EIF2AK2: variants seen among roughly 807,000 people sequenced by gnomAD.
EIF2AK2 encodes eukaryotic translation initiation factor 2 alpha kinase 2.
In EIF2AK2, 40 loss-of-function variants were observed where a neutral mutation model predicts 70.5. That is an observed-to-expected ratio of 0.57 (90% CI 0.44 to 0.74). EIF2AK2 has a LOEUF of 0.74. Among genes scored for constraint, EIF2AK2 ranks in the 30% least tolerant of loss-of-function variants. The pLI is 0.00. For synonymous variants in EIF2AK2, 198 were observed against 220.9 expected (o/e 0.90, Z 0.92); for missense variants, 555 against 644.3 (o/e 0.86, Z 1.50).
chr2:37,127,051 T>C (rs920244915), intron 10 of EIF2AK2, among the ~76,000 whole-genome samples: 2 of 144,684 alleles, frequency 1.4e-5, no homozygotes, highest in Admixed American at 6.9e-5. Flanking sequence ...GGAACTGCTA[T>C]ATTGTGCTCC....
chr2:37,140,207 A>G (rs1399180294), intron 5 of EIF2AK2, among the ~76,000 whole-genome samples: 1 of 151,432 alleles, frequency 6.6e-6, no homozygotes, highest in East Asian at 2.0e-4. Context: ...AGAGCAAAGC[A>G]TGGATTCTGC....
chr2:37,106,856 C>T lies in EIF2AK2; in HGVS notation c.*417G>A, dbSNP rs1043678250. 1 of 154,796 alleles carries T rather than the reference C, an allele frequency of 6.5e-6. No individual in the cohort carries two copies. The highest frequency in any genetic ancestry group is 2.4e-5 in the African/African-American group (1 of 41,322). The allele number at this position is 154,796 out of a possible 1,614,324, so 9.6% of individuals were successfully genotyped here. ...GTCAGGAGTTTGAGACCAGCCTGGC[C>T]AACATGGTGAAACCCTGTCTTTATT... On this transcript the variant is annotated 3_prime_UTR_variant, in exon 17 of 17. Transcript: ENST00000233057.
chr2:37,128,324 A>G (rs929322415), intron 10 of EIF2AK2, among the ~76,000 whole-genome samples: 3 of 152,160 alleles, frequency 2.0e-5, no homozygotes, highest in Non-Finnish European at 2.9e-5. Flanking sequence ...TCTGATATGG[A>G]GCTAGAAAGT....
chr2:37,110,267 G>T (rs4648236), intron 14 of EIF2AK2, among the ~76,000 whole-genome samples: 138,127 of 148,862 alleles, frequency 0.93, 64,859 homozygotes, highest in South Asian at 1. Context: ...CTGTATTTTT[G>T]TTTTTTTAGT....
intron 10 of EIF2AK2, among the ~76,000 whole-genome samples, chr2:37,132,407 T>C (rs1038212586): frequency 2.6e-5 from 4 of 152,052 alleles, no homozygotes; most frequent in African/African-American, 9.7e-5. Context: ...CTGATCAACA[T>C]GGTGAAACCC....
chr2:37,109,381 A>G, intron 14 of EIF2AK2, 86 bp from the exon 15 acceptor site: 2 of 1,115,092 alleles, frequency 1.8e-6, no homozygotes, highest in East Asian at 2.5e-5. Context: ...TATTTGACCA[A>G]AACATCTTAC....
chr2:37,154,897 C>T (rs1031211318), intron 1 of EIF2AK2, among the ~76,000 whole-genome samples: 4 of 151,818 alleles, frequency 2.6e-5, no homozygotes, highest in Non-Finnish European at 5.9e-5. Flanking sequence ...TACTCCTTTT[C>T]TGTCTCCTTT....
At position 37,148,984 on chromosome 2, in the gene EIF2AK2, T is replaced by C; in HGVS notation, c.-144A>G. 1 of 853,942 alleles carries C rather than the reference T, an allele frequency of 1.2e-6. No homozygotes were observed. Among genetic ancestry groups the C allele is most frequent in the Non-Finnish European group, 2.1e-6 (1 of 485,138 alleles). The allele number at this position is 853,942 out of a possible 1,614,324, so 52.9% of individuals were successfully genotyped here. The stretch of plus-strand genomic sequence containing the variant: ...TGCTAAAGTTTTGAGGTCATTACAA[T>C]TTACAAATCCAGGAAGGCAAACTGA... On this transcript the variant is annotated 5_prime_UTR_variant, in exon 2 of 17. Coordinates refer to ENST00000233057, the MANE Select transcript of EIF2AK2 (RefSeq NM_001135651.3).
chr2:37,107,606 C>A, intron 15 of EIF2AK2, 79 bp from the exon 16 acceptor site: 1 of 1,463,566 alleles, frequency 6.8e-7, no homozygotes. Context: ...TGAGGAATAC[C>A]TGAAATGTAG....
intron 7 of EIF2AK2, 36 bp downstream of exon 7, chr2:37,138,473 A>G (rs1339134447): frequency 1.9e-6 from 3 of 1,608,286 alleles, no homozygotes; most frequent in Non-Finnish European, 2.6e-6. Flanking sequence ...AGAAATATGA[A>G]TATGTTAAGT....
chr2:37,145,416 T>G (rs1422866155), intron 4 of EIF2AK2, among the ~76,000 whole-genome samples: 1 of 152,230 alleles, frequency 6.6e-6, no homozygotes. Flanking sequence ...GTGCCAGGAT[T>G]ACAGGCATGA....
At chr2:37,126,524 T>A in intron 10 of EIF2AK2, 113 bp from the exon 11 acceptor site, 2 of 1,439,354 alleles carry the variant, frequency 1.4e-6, no homozygotes, top group Admixed American at 2.5e-5. Flanking sequence ...AAAACAAATT[T>A]GATTCTCTCC....
At chr2:37,126,851 G>T (rs1674747650) in intron 10 of EIF2AK2, among the ~76,000 whole-genome samples, 1 of 151,658 alleles carries the variant, frequency 6.6e-6, no homozygotes, top group Admixed American at 6.6e-5. Context: ...CAGCTACTTG[G>T]AAGGCTGAGG....
chr2:37,107,596 T>TGA (rs1674006148), intron 15 of EIF2AK2, 69 bp from the exon 16 acceptor site: 2 of 1,499,304 alleles, frequency 1.3e-6, no homozygotes, highest in African/African-American at 2.8e-5. Context: ...AACTAAAGGC[T>TGA]GAGGAATACC....
intron 10 of EIF2AK2, among the ~76,000 whole-genome samples, chr2:37,133,670 C>T (rs970009156): frequency 2.0e-5 from 3 of 152,200 alleles, no homozygotes; most frequent in Admixed American, 1.3e-4. Context: ...GGATCCACTT[C>T]CCTTCATCTC....
intron 1 of EIF2AK2, among the ~76,000 whole-genome samples, chr2:37,156,703 G>A (rs1427633708): frequency 6.6e-6 from 1 of 152,190 alleles, no homozygotes; most frequent in East Asian, 1.9e-4. Flanking sequence ...TGGATTTGGG[G>A]AGGGCCCCAC....
Position 37,104,267 on chromosome 2 carries a change from T to C in EIF2AK2, c.*3006A>G, listed in dbSNP as rs1019624500. ...TAATATGCAGTCTATATTCAAATGTTCTCAATTGTCCCGAAGATATCTTTA... is the reference window on the plus strand; with the variant it reads ...TAATATGCAGTCTATATTCAAATGTCCTCAATTGTCCCGAAGATATCTTTA... On this transcript the variant is annotated 3_prime_UTR_variant, in exon 17 of 17. Transcript: ENST00000233057. 1 of 152,024 alleles carries C rather than the reference T, an allele frequency of 6.6e-6. No individual in the cohort carries two copies. Among genetic ancestry groups the C allele is most frequent in the African/African-American group, 2.4e-5 (1 of 41,396 alleles). The allele number at this position is 152,024 out of a possible 1,614,324, so 9.4% of individuals were successfully genotyped here. A position where few individuals can be genotyped will look rare whatever the true frequency, so the allele number is the denominator to read the frequency against.
Position 37,105,238 on chromosome 2 carries a change from C to G in EIF2AK2, c.*2035G>C, listed in dbSNP as rs774957235. The G allele has an allele frequency of 3.3e-5, 5 of 151,620 alleles. No individual in the cohort carries two copies. The highest frequency in any genetic ancestry group is 7.4e-5 in the Non-Finnish European group (5 of 67,928). The allele number at this position is 151,620 out of a possible 1,614,324, so 9.4% of individuals were successfully genotyped here. ...CTGCTATAGTTTGCATGTTTGTCCCCCAAAATCTCATGTTGAAATTTGATC... is the reference window on the plus strand; with the variant it reads ...CTGCTATAGTTTGCATGTTTGTCCCGCAAAATCTCATGTTGAAATTTGATC... On this transcript the variant is annotated 3_prime_UTR_variant, in exon 17 of 17. Coordinates refer to ENST00000233057, the MANE Select transcript of EIF2AK2 (RefSeq NM_001135651.3).
rs1162995597 is a variant in EIF2AK2, at chr2:37,111,912, T to C, written c.1378-2617A>G. ...ATATATATATATATATATATATATA[T>C]CATAATAAATCTCTCTCTCTCTCTC... On this transcript the variant is annotated intron_variant, in intron 14 of 16. Transcript: ENST00000233057. 2.3e-4 allele frequency among the ~76,000 whole-genome samples: 18 copies of C among 78,022 alleles called. No homozygotes were observed. In the East Asian group the frequency reaches 7.0e-3, roughly 30 times the overall value. 51.2% of individuals were successfully genotyped at this position (78,022 alleles called of 152,430 possible). A position where few individuals can be genotyped will look rare whatever the true frequency, so the allele number is the denominator to read the frequency against.
Sources: allele counts gnomAD v4.1 joint callset (sites outside exome capture counted in the v4.1 genomes callset), GRCh38; gene constraint gnomAD v4.1.1; transcripts MANE v1.5; gene names NCBI Gene and HGNC (gene_info 2026-07-23, HGNC 2026-07-21).